The following RREB1 variants were observed in gnomAD, a reference collection of about 807,000 sequenced individuals.
RREB1 encodes the protein ras-responsive element-binding protein 1.
In RREB1, 27 loss-of-function variants were observed where a neutral mutation model predicts 117.8. The ratio of observed to expected loss-of-function variants is 0.23; its 90% CI spans 0.17 to 0.32. The LOEUF is 0.32. Among genes scored for constraint, RREB1 ranks in the 10% least tolerant of loss-of-function variants. The pLI, the probability that RREB1 is intolerant of heterozygous loss-of-function variation, is 1.00. For missense variants in RREB1, 2,577 were observed against 2,378.2 expected (o/e 1.08, Z -1.74); for synonymous variants, 1,298 against 1,026.7 (o/e 1.26, Z -5.05).
chr6:7,159,232 G>T (rs1197857157), intron 1 of RREB1, among the ~76,000 whole-genome samples: 1 of 152,132 alleles, frequency 6.6e-6, no homozygotes, highest in Non-Finnish European at 1.5e-5. Context: ...ACCCCTTTGA[G>T]GTTCCTAGGA....
chr6:7,178,459 C>T (rs1011288684), intron 2 of RREB1, among the ~76,000 whole-genome samples: 6 of 152,174 alleles, frequency 3.9e-5, no homozygotes, highest in Admixed American at 1.3e-4. Flanking sequence ...TGTAGAAGAG[C>T]CCGCATGTTA....
intron 11 of RREB1, 29 bp from the exon 12 acceptor site, chr6:7,246,395 G>A: frequency 6.9e-7 from 1 of 1,449,664 alleles, no homozygotes. Flanking sequence ...GTGCCCCTCT[G>A]AGCCCTCCCC....
chr6:7,203,401 T>C (rs1010185450), intron 6 of RREB1, among the ~76,000 whole-genome samples: 2 of 152,188 alleles, frequency 1.3e-5, no homozygotes, highest in Non-Finnish European at 2.9e-5. Flanking sequence ...TAATTCTAGC[T>C]CAATGCATCA....
chr6:7,246,554 G>A lies in RREB1; in HGVS notation c.4104G>A (p.Gln1368=), dbSNP rs1475850018. ...TCGCAGGGGATGCGCCTGTGGAGCA[G>A]GCCACGGCGGAAACGGCCTCGCCGG... The part of the protein sequence containing the change: ...RQVAGDAPVE[Q]ATAETASPVH... The change falls in exon 12 of 13, where the codon CAG becomes CAA. Residue 1368 remains glutamine (Q), a synonymous_variant. Transcript: ENST00000379938. 2 of 1,548,608 alleles carry A rather than the reference G, an allele frequency of 1.3e-6. No homozygotes were observed. Among genetic ancestry groups the A allele is most frequent in the South Asian group, 1.2e-5 (1 of 84,062 alleles).
intron 6 of RREB1, among the ~76,000 whole-genome samples, chr6:7,204,289 G>A (rs1323548189): frequency 4.6e-5 from 7 of 151,974 alleles, no homozygotes; most frequent in Admixed American, 1.3e-4. Flanking sequence ...CTCAGTTGCC[G>A]CCTTGCTGTC....
chr6:7,222,158 A>G (rs546846694), intron 8 of RREB1, among the ~76,000 whole-genome samples: 1 of 152,212 alleles, frequency 6.6e-6, no homozygotes, highest in South Asian at 2.1e-4. Context: ...ACGTTTCTAG[A>G]TAGCAGATTC....
chr6:7,199,130 G>A (rs911227811), intron 6 of RREB1, among the ~76,000 whole-genome samples: 8 of 152,148 alleles, frequency 5.3e-5, no homozygotes, highest in South Asian at 2.1e-4. Flanking sequence ...AAAGAAGGGC[G>A]ACATTTTCTT....
At chr6:7,204,052 C>T (rs567722762) in intron 6 of RREB1, among the ~76,000 whole-genome samples, 137 of 152,304 alleles carry the variant, frequency 9.0e-4, no homozygotes, top group African/African-American at 2.8e-3. Context: ...ATTCCCACAG[C>T]GAGCCTACAG....
intron 1 of RREB1, among the ~76,000 whole-genome samples, chr6:7,132,101 C>CAACA (rs1762179376): frequency 6.6e-6 from 1 of 152,152 alleles, no homozygotes; most frequent in Non-Finnish European, 1.5e-5. Context: ...GTTGCCCAGG[C>CAACA]TGGAGTACAA....
At chr6:7,112,273 G>A (rs527986871) in intron 1 of RREB1, among the ~76,000 whole-genome samples, 5 of 152,266 alleles carry the variant, frequency 3.3e-5, no homozygotes, top group African/African-American at 1.2e-4. Flanking sequence ...TAAAATGGTT[G>A]AAATCTAATT....
intron 1 of RREB1, among the ~76,000 whole-genome samples, chr6:7,115,099 C>T (rs1342582883): frequency 6.6e-6 from 1 of 151,848 alleles, no homozygotes; most frequent in Admixed American, 6.6e-5. Flanking sequence ...AAAATTCTTA[C>T]ATAACCGTCT....
At chr6:7,172,000 C>T (rs1764235451) in intron 1 of RREB1, among the ~76,000 whole-genome samples, 1 of 150,660 alleles carries the variant, frequency 6.6e-6, no homozygotes, top group Non-Finnish European at 1.5e-5. Context: ...GGCTTGAGTA[C>T]AGTGACGTCA....
In RREB1 at chr6:7,152,204, C is replaced by T. The variant is rs77296166; in HGVS notation, c.-284-24451C>T. 2.8e-3 allele frequency among the ~76,000 whole-genome samples: 422 copies of T among 152,210 alleles called. 1 individual carries two copies. Among genetic ancestry groups the T allele is most frequent in the Middle Eastern group, 6.8e-3 (2 of 292 alleles). On this transcript the variant is annotated intron_variant, in intron 1 of 12. Transcript: ENST00000379938. ...AATTGCACATTATTCCTGTTGTTTC[C>T]AGTATCCTAAGGGAACCTCTCTCAG...
At position 7,229,453 on chromosome 6, in the gene RREB1, A is replaced by G; in HGVS notation, c.1354A>G (p.Ser452Gly). 1.2e-6 allele frequency: 2 copies of G among 1,614,190 alleles called. No homozygotes were observed. The highest frequency in any genetic ancestry group is 2.2e-5 in the South Asian group (2 of 91,086). The change falls in exon 10 of 13, where the codon AGC (serine) becomes GGC (glycine). Residue 452 changes from serine to glycine, a missense_variant. Ser to Gly is a moderately conservative substitution (Grantham distance 56, BLOSUM62 0). Transcript: ENST00000379938. The surrounding 1 kb of genome is among the most constrained non-coding windows in gnomAD (Gnocchi z 4.5). ...FQKGFIIQPDSSIVVKPISGE... is the reference protein window; with the variant it reads ...FQKGFIIQPDGSIVVKPISGE... ...GAAGGGCTTCATCATCCAGCCTGAC[A>G]GCAGCATTGTGGTCAAGCCCATCTC...
chr6:7,223,939 T>C (rs1161460629), intron 8 of RREB1, among the ~76,000 whole-genome samples: 1 of 152,228 alleles, frequency 6.6e-6, no homozygotes, highest in African/African-American at 2.4e-5. Context: ...TTAAATTTTA[T>C]ATAAGCTGAT....
chr6:7,147,798 C>G (rs1762939158), intron 1 of RREB1, among the ~76,000 whole-genome samples: 1 of 151,930 alleles, frequency 6.6e-6, no homozygotes, highest in Admixed American at 6.6e-5. Context: ...TTAAATTGTT[C>G]CATAGTACCA....
intron 1 of RREB1, among the ~76,000 whole-genome samples, chr6:7,144,637 T>G (rs914899054): frequency 1.3e-5 from 2 of 152,210 alleles, no homozygotes; most frequent in African/African-American, 4.8e-5. Context: ...CACAAATTAT[T>G]TCTATTTCTT....
At chr6:7,126,422 C>T (rs762237731) in intron 1 of RREB1, among the ~76,000 whole-genome samples, 2 of 152,166 alleles carry the variant, frequency 1.3e-5, no homozygotes, top group Non-Finnish European at 2.9e-5. Context: ...GCACACGCCA[C>T]CACATCTAGC....
At chr6:7,155,364 T>C (rs942159653) in intron 1 of RREB1, among the ~76,000 whole-genome samples, 1 of 152,232 alleles carries the variant, frequency 6.6e-6, no homozygotes, top group Non-Finnish European at 1.5e-5. Flanking sequence ...TGGAGTGCAG[T>C]GGCACGATCT....
Sources: allele counts gnomAD v4.1 joint callset (sites outside exome capture counted in the v4.1 genomes callset), GRCh38; gene constraint gnomAD v4.1.1; non-coding constraint Gnocchi (gnomAD v3.1); transcripts MANE v1.5; gene names NCBI Gene and HGNC (gene_info 2026-07-23, HGNC 2026-07-21).